The following KLHL29 variants were observed in gnomAD, a reference collection of about 807,000 sequenced individuals.
KLHL29 encodes kelch like family member 29, also known as kelch-like protein 29.
A neutral mutation model predicts 80.4 loss-of-function variants in KLHL29; 21 were observed. The observed-to-expected ratio is 0.26, with a 90% confidence interval of 0.19 to 0.38. The LOEUF is 0.38. Ranked by LOEUF, KLHL29 falls within the 10% of genes least tolerant of loss-of-function variation. The pLI, the probability that KLHL29 is intolerant of heterozygous loss-of-function variation, is 1.00. For synonymous variants in KLHL29, 511 were observed against 526.8 expected, an observed-to-expected ratio of 0.97 and a Z score of 0.41; for missense variants, 867 against 1,223.9, an observed-to-expected ratio of 0.71 and a Z score of 4.35.
intron 2 of KLHL29, among the ~76,000 whole-genome samples, chr2:23,476,641 G>A (rs1165489724): frequency 6.6e-6 from 1 of 152,168 alleles, no homozygotes; most frequent in African/African-American, 2.4e-5. Flanking sequence ...ATGCCCTAAC[G>A]ATGGACATTT....
intron 3 of KLHL29, among the ~76,000 whole-genome samples, chr2:23,627,678 C>T (rs1025483662): frequency 6.6e-6 from 1 of 152,032 alleles, no homozygotes; most frequent in African/African-American, 2.4e-5. Context: ...GCCGCGTCCC[C>T]TCTCTTGTTA....
At chr2:23,602,827 C>A (rs1078853) in intron 3 of KLHL29, among the ~76,000 whole-genome samples, 61,712 of 151,834 alleles carry the variant, frequency 0.41, 12,768 homozygotes, top group East Asian at 0.64. Flanking sequence ...ATGAGGTTGG[C>A]TCTCAGGTGC....
chr2:23,584,476 G>A (rs191779441), intron 3 of KLHL29, among the ~76,000 whole-genome samples: 300 of 152,320 alleles, frequency 2.0e-3, no homozygotes, highest in Middle Eastern at 6.8e-3. Flanking sequence ...GTTCATGCTC[G>A]TAATTTACGT....
At chr2:23,565,926 C>T (rs756671610) in intron 3 of KLHL29, among the ~76,000 whole-genome samples, 2 of 152,334 alleles carry the variant, frequency 1.3e-5, no homozygotes, top group South Asian at 2.1e-4. Context: ...ACATCACGTG[C>T]CCTGGGGGCT....
intron 1 of KLHL29, among the ~76,000 whole-genome samples, chr2:23,408,179 T>C (rs1017138164): frequency 6.8e-6 from 1 of 147,962 alleles, no homozygotes; most frequent in Non-Finnish European, 1.5e-5. Flanking sequence ...ATCATCTTCA[T>C]TATTATTATT....
chr2:23,500,027 A>G (rs997820286), intron 2 of KLHL29, among the ~76,000 whole-genome samples: 25 of 152,206 alleles, frequency 1.6e-4, no homozygotes, highest in African/African-American at 5.8e-4. Flanking sequence ...ACCTGTAAAT[A>G]TGTATTGGTA....
chr2:23,700,414 C>G lies in KLHL29; in HGVS notation c.2106-2772C>G, dbSNP rs180938039. The stretch of plus-strand genomic sequence containing the variant: ...TACTACATGTTACTACTCTCTTGGG[C>G]CTTGAGGTTATATATGCCTATTGCG... On this transcript the variant is annotated intron_variant, in intron 11 of 13. Transcript: ENST00000486442. This position sits in a 1 kb window ranked among gnomAD's most constrained non-coding sequence, Gnocchi z 4.6. 6.6e-6 allele frequency among the ~76,000 whole-genome samples: 1 copy of G among 152,230 alleles called. No individual in the cohort carries two copies. The highest frequency in any genetic ancestry group is 1.5e-5 in the Non-Finnish European group (1 of 68,012).
intron 3 of KLHL29, among the ~76,000 whole-genome samples, chr2:23,607,706 G>A (rs970335933): frequency 5.3e-5 from 8 of 152,132 alleles, no homozygotes; most frequent in Non-Finnish European, 7.4e-5. Flanking sequence ...TCATAGGACC[G>A]TGAACCCTAT....
At chr2:23,402,246 G>A (rs1278610519) in intron 1 of KLHL29, among the ~76,000 whole-genome samples, 1 of 152,154 alleles carries the variant, frequency 6.6e-6, no homozygotes. Flanking sequence ...CAAACCCTGT[G>A]GATTTTCACC....
rs1670661587 is a variant in KLHL29, at chr2:23,669,849, A to T, written c.941-14550A>T. Among the ~76,000 whole-genome samples, 1 of 152,176 alleles carries T rather than the reference A, an allele frequency of 6.6e-6. No individual in the cohort carries two copies. The highest frequency in any genetic ancestry group is 1.5e-5 in the Non-Finnish European group (1 of 68,040). The stretch of plus-strand genomic sequence containing the variant: ...GGGTAACTGTGTCCATTGGATTTGT[A>T]AAAACAGGGCCGTGGTATTATCACA... On this transcript the variant is annotated intron_variant, in intron 5 of 13. Coordinates refer to ENST00000486442, the MANE Select transcript of KLHL29 (RefSeq NM_052920.2). This position sits in a 1 kb window ranked among gnomAD's most constrained non-coding sequence, Gnocchi z 4.3.
chr2:23,417,143 A>C (rs7586414), intron 1 of KLHL29, among the ~76,000 whole-genome samples: 81,136 of 151,656 alleles, frequency 0.54, 23,833 homozygotes, highest in African/African-American at 0.8. Context: ...CTCTCTCTCC[A>C]TTGCCACCAA....
chr2:23,440,902 CT>C (rs1376345550), intron 1 of KLHL29, among the ~76,000 whole-genome samples: 1 of 152,162 alleles, frequency 6.6e-6, no homozygotes, highest in Non-Finnish European at 1.5e-5. Flanking sequence ...TAGTTCAACC[CT>C]TGTGGAAGTC....
In KLHL29 at chr2:23,423,836, C is replaced by T. The variant is rs556478141; in HGVS notation, c.-154+38056C>T. Among the ~76,000 whole-genome samples, 200 of 152,364 alleles carry T rather than the reference C, an allele frequency of 1.3e-3. 1 individual carries two copies. Among genetic ancestry groups the T allele is most frequent in the Non-Finnish European group, 2.6e-3 (174 of 68,028 alleles). On this transcript the variant is annotated intron_variant, in intron 1 of 13. Coordinates refer to ENST00000486442, the MANE Select transcript of KLHL29 (RefSeq NM_052920.2). ...CGATGTGTCCGCATAGGCCAGGCTC[C>T]TCCACCACACATATGAAACAGCAGC...
At chr2:23,420,165 C>T (rs1662751969) in intron 1 of KLHL29, among the ~76,000 whole-genome samples, 1 of 152,180 alleles carries the variant, frequency 6.6e-6, no homozygotes, top group African/African-American at 2.4e-5. Flanking sequence ...TTCCCTCCTG[C>T]CCAGCGACCC....
chr2:23,465,526 CA>C (rs1397265508), intron 1 of KLHL29, among the ~76,000 whole-genome samples: 1 of 152,192 alleles, frequency 6.6e-6, no homozygotes, highest in African/African-American at 2.4e-5. Context: ...GTGCACTCTG[CA>C]CGACTCTCAG....
intron 1 of KLHL29, among the ~76,000 whole-genome samples, chr2:23,450,057 A>G (rs548843556): frequency 6.6e-6 from 1 of 152,132 alleles, no homozygotes; most frequent in East Asian, 1.9e-4. Context: ...TTGACATCTC[A>G]AGCGGCAAGC....
At position 23,500,827 on chromosome 2, in the gene KLHL29, G is replaced by T. The variant is rs143792504; in HGVS notation, c.-46+25160G>T. 6.5e-3 allele frequency among the ~76,000 whole-genome samples: 995 copies of T among 152,298 alleles called. 7 individuals are homozygous for T. The highest frequency in any genetic ancestry group is 0.011 in the Non-Finnish European group (747 of 68,026). On this transcript the variant is annotated intron_variant, in intron 2 of 13. Coordinates refer to ENST00000486442, the MANE Select transcript of KLHL29 (RefSeq NM_052920.2). ...AAGAGAAATCAGGATTTCAAATCCT[G>T]CACGTGGAGTGAGTAGCTTTTTTGA...
chr2:23,643,018 A>G (rs1312413026), intron 5 of KLHL29, 168 bp downstream of exon 5: 15 of 781,196 alleles, frequency 1.9e-5, no homozygotes, highest in Admixed American at 4.1e-5. Context: ...CTGGCCTGAG[A>G]TGGGGGAGGG....
intron 1 of KLHL29, among the ~76,000 whole-genome samples, chr2:23,447,205 G>A (rs1663722399): frequency 6.6e-6 from 1 of 152,142 alleles, no homozygotes; most frequent in Non-Finnish European, 1.5e-5. Flanking sequence ...ATTGTCCCTG[G>A]GACCAAATGC....
Sources: allele counts gnomAD v4.1 joint callset (sites outside exome capture counted in the v4.1 genomes callset), GRCh38; gene constraint gnomAD v4.1.1; non-coding constraint Gnocchi (gnomAD v3.1); transcripts MANE v1.5; gene names NCBI Gene and HGNC (gene_info 2026-07-23, HGNC 2026-07-21).